LIMD1: variants seen among roughly 807,000 people sequenced by gnomAD.
LIMD1 encodes the protein LIM domain containing 1.
A neutral mutation model predicts 58.4 loss-of-function variants in LIMD1; 23 were observed. That is an observed-to-expected ratio of 0.39 (90% CI 0.28 to 0.56). LIMD1 has a LOEUF of 0.56. LIMD1 is among the 20% of genes least tolerant of loss of function. LIMD1 has a pLI of 0.57. For synonymous variants in LIMD1, 334 were observed against 345.5 expected (o/e 0.97, Z 0.37); for missense variants, 838 against 855.5 (o/e 0.98, Z 0.25).
rs1406647246 is a variant in LIMD1, at chr3:45,677,056, C to G, written c.2028C>G (p.Phe676Leu). The G allele has an allele frequency of 2.5e-6, 4 of 1,613,368 alleles. No individual in the cohort carries two copies. The South Asian group carries it at 4.4e-5, about 18-fold the overall frequency. ...PSSTALHQHH[F>L] ...CTACAGCCCTTCACCAGCACCACTT[C>G]TAGCCAGAGCCACTTGCAGACATCA... is the stretch of plus-strand genomic sequence containing the variant. Residue 676 changes from phenylalanine to leucine, a missense_variant, in exon 8 of 8, where the codon TTC (phenylalanine) becomes TTG (leucine). Physicochemically the swap from Phe to Leu is conservative, Grantham distance 22. Coordinates refer to ENST00000273317, the MANE Select transcript of LIMD1 (RefSeq NM_014240.3).
intron 1 of LIMD1, among the ~76,000 whole-genome samples, chr3:45,613,939 G>A (rs1030536371): frequency 6.6e-6 from 1 of 152,222 alleles, no homozygotes; most frequent in South Asian, 2.1e-4. Flanking sequence ...GTGCCACTTA[G>A]CATTCCCACA....
At chr3:45,672,988 CG>C (rs1697613109) in intron 5 of LIMD1, among the ~76,000 whole-genome samples, 168 bp downstream of exon 5, 1 of 150,996 alleles carries the variant, frequency 6.6e-6, no homozygotes, top group Non-Finnish European at 1.5e-5. Context: ...GGAGGTTGGT[CG>C]ATGCCAGTGT....
At chr3:45,613,013 T>C (rs1214944714) in intron 1 of LIMD1, 1 of 152,204 alleles carries the variant, frequency 6.6e-6, no homozygotes, top group African/African-American at 2.4e-5. Context: ...CTTTTCATGG[T>C]CTATTTAGTG....
chr3:45,628,076 T>A (rs1701684591), intron 1 of LIMD1, among the ~76,000 whole-genome samples: 1 of 151,636 alleles, frequency 6.6e-6, no homozygotes, highest in Non-Finnish European at 1.5e-5. Context: ...AGAAGGTGAT[T>A]CTTGAGAGAT....
intron 1 of LIMD1, among the ~76,000 whole-genome samples, chr3:45,608,642 C>A (rs563937709): frequency 1.3e-4 from 20 of 152,124 alleles, no homozygotes; most frequent in African/African-American, 4.8e-4. Flanking sequence ...GAGTTTGAGA[C>A]CAGCCTGGCT....
rs867250135 is a variant in LIMD1, at chr3:45,652,975, G to A, written c.1511-12675G>A. On this transcript the variant is annotated intron_variant, in intron 2 of 7. Transcript: ENST00000273317. ...GTGAGGCAGCAGTGCTCAGAACATG[G>A]TCCTTGGCCAGCACCAGCAAAGGCC... is the stretch of plus-strand genomic sequence containing the variant. 5.3e-5 allele frequency among the ~76,000 whole-genome samples: 8 copies of A among 152,322 alleles called. 1 individual carries two copies. In the Middle Eastern group the frequency reaches 0.01, roughly 194 times the overall value.
intron 6 of LIMD1, 88 bp from the exon 7 acceptor site, chr3:45,674,255 C>T (rs1697635570): frequency 1.0e-6 from 1 of 955,654 alleles, no homozygotes; most frequent in Admixed American, 1.9e-5. Flanking sequence ...CCCCAAAACC[C>T]TCTTCCCTCC....
At chr3:45,614,891 A>T (rs989603014) in intron 1 of LIMD1, among the ~76,000 whole-genome samples, 3 of 151,438 alleles carry the variant, frequency 2.0e-5, no homozygotes, top group Non-Finnish European at 2.9e-5. Context: ...CACTGTTAGG[A>T]TAGACTTTTT....
chr3:45,604,769 G>A (rs935345738), intron 1 of LIMD1, among the ~76,000 whole-genome samples: 3 of 152,094 alleles, frequency 2.0e-5, no homozygotes, highest in Admixed American at 6.6e-5. Context: ...GGCGCGTCCC[G>A]ACATGGATTC....
At chr3:45,639,962 C>T (rs753975431) in intron 2 of LIMD1, among the ~76,000 whole-genome samples, 6 of 152,216 alleles carry the variant, frequency 3.9e-5, no homozygotes, top group Non-Finnish European at 7.3e-5. Flanking sequence ...CATGCCCGGC[C>T]AGAGGTTAGG....
At chr3:45,607,579 T>TG (rs954846340) in intron 1 of LIMD1, among the ~76,000 whole-genome samples, 1 of 152,140 alleles carries the variant, frequency 6.6e-6, no homozygotes, top group African/African-American at 2.4e-5. Flanking sequence ...GCCATGATGC[T>TG]GTCATTCCAG....
At chr3:45,649,780 T>A (rs1406829824) in intron 2 of LIMD1, among the ~76,000 whole-genome samples, 1 of 144,980 alleles carries the variant, frequency 6.9e-6, no homozygotes, top group Non-Finnish European at 1.5e-5. Context: ...ATTATATATA[T>A]AAAATATATA....
At chr3:45,651,628 T>C (rs1701975171) in intron 2 of LIMD1, among the ~76,000 whole-genome samples, 1 of 151,954 alleles carries the variant, frequency 6.6e-6, no homozygotes, top group Admixed American at 6.6e-5. Flanking sequence ...TTGTCAAAGA[T>C]CAGATGGTTA....
At position 45,677,279 on chromosome 3, in the gene LIMD1, C is replaced by T. The variant is rs1697684684; in HGVS notation, c.*220C>T. 3 of 503,988 alleles carry T rather than the reference C, an allele frequency of 6.0e-6. No homozygotes were observed. In the Admixed American group the frequency reaches 1.0e-4, roughly 17 times the overall value. The allele number at this position is 503,988 out of a possible 1,614,324, so 31.2% of individuals were successfully genotyped here. On this transcript the variant is annotated 3_prime_UTR_variant, in exon 8 of 8. Transcript: ENST00000273317. ...GTGCTTTTCTCTGTTGCCACATTTT[C>T]CTCAGGTTACTCAGGAAAATGCTCC...
At chr3:45,665,561 C>T in intron 2 of LIMD1, 89 bp from the exon 3 acceptor site, 2 of 1,028,416 alleles carry the variant, frequency 1.9e-6, no homozygotes, top group Non-Finnish European at 3.0e-6. Context: ...TTTATTTCTG[C>T]CTAAAGATTT....
intron 1 of LIMD1, among the ~76,000 whole-genome samples, chr3:45,622,571 T>A (rs1302194210): frequency 6.6e-6 from 1 of 152,230 alleles, no homozygotes; most frequent in Non-Finnish European, 1.5e-5. Context: ...AATATCTTGC[T>A]GTACTATACT....
intron 1 of LIMD1, chr3:45,612,781 A>G (rs1479007897): frequency 4.6e-5 from 7 of 152,254 alleles, no homozygotes. Context: ...GTATTTATAT[A>G]CAGTTGATCT....
rs1697764925 is a variant in LIMD1 at position 45,683,101 on chromosome 3, A to G, written c.*6042A>G. 2 of 152,176 alleles carry G rather than the reference A, an allele frequency of 1.3e-5. No homozygotes were observed. Among genetic ancestry groups the G allele is most frequent in the South Asian group, 4.1e-4 (2 of 4,834 alleles). The allele number at this position is 152,176 out of a possible 1,614,324, so 9.4% of individuals were successfully genotyped here. A position where few individuals can be genotyped will look rare whatever the true frequency, so the allele number is the denominator to read the frequency against. On this transcript the variant is annotated 3_prime_UTR_variant, in exon 8 of 8. Coordinates refer to ENST00000273317, the MANE Select transcript of LIMD1 (RefSeq NM_014240.3). ...TCTCTGACCCTCCCTGCCTCCTTGT[A>G]AGGACACTTGGGATTACGCCCATCC...
rs1236386416 is a variant in LIMD1, at chr3:45,596,031, C to T, written c.1152C>T (p.Ser384=). The T allele has an allele frequency of 1.9e-6, 3 of 1,614,116 alleles. No individual in the cohort carries two copies. Among genetic ancestry groups the T allele is most frequent in the South Asian group, 2.2e-5 (2 of 91,092 alleles). Reference sequence around the variant, plus strand: ...ACCTTGGCACTGGTCCCAAGCTCAGCCCCACCAGTCTTGTCCATCCAGTGA... The same window carrying T: ...ACCTTGGCACTGGTCCCAAGCTCAGTCCCACCAGTCTTGTCCATCCAGTGA... The part of the protein sequence containing the change: ...CTDLGTGPKL[S]PTSLVHPVMS... Residue 384 remains serine (S), a synonymous_variant, in exon 1 of 8, where the codon AGC becomes AGT. Coordinates refer to ENST00000273317, the MANE Select transcript of LIMD1 (RefSeq NM_014240.3).
Sources: gnomAD v4.1 joint callset for allele counts (sites outside exome capture counted in the v4.1 genomes callset) on GRCh38, gnomAD v4.1.1 for gene constraint, MANE v1.5 for transcripts, NCBI Gene and HGNC (gene_info 2026-07-23, HGNC 2026-07-21) for gene names.